The following ZNF423 variants were observed in gnomAD, a reference collection of about 807,000 sequenced individuals.
The protein encoded by ZNF423 is Ebf-associated zinc finger protein.
Under a neutral mutation model 95.8 loss-of-function variants are expected in ZNF423, and 12 were observed. That is an observed-to-expected ratio of 0.13 (90% CI 0.08 to 0.20). The LOEUF is 0.20. ZNF423 is among the 10% of genes least tolerant of loss of function. The pLI is 1.00. For missense variants in ZNF423, 1,316 were observed against 1,737.1 expected (o/e 0.76, Z 4.31); for synonymous variants, 749 against 711.9 (o/e 1.05, Z -0.83).
intron 3 of ZNF423, among the ~76,000 whole-genome samples, chr16:49,639,773 C>G (rs8061482): frequency 0.14 from 21,866 of 152,238 alleles, 1,657 homozygotes; most frequent in Middle Eastern, 0.22. Context: ...AGACTCCAGC[C>G]AGTCCCACCC....
upstream of ZNF423, among the ~76,000 whole-genome samples, chr16:49,858,304 G>A (rs558140530): frequency 6.6e-5 from 10 of 150,512 alleles, no homozygotes; most frequent in South Asian, 4.2e-4. This position sits in a 1 kb window ranked among gnomAD's most constrained non-coding sequence, Gnocchi z 4.3. Context: ...GGCCAGCCGG[G>A]CCCGGCCCCG....
intron 7 of ZNF423, chr16:49,518,236 T>C (rs1181355777): frequency 2.6e-6 from 1 of 383,078 alleles, no homozygotes; most frequent in African/African-American, 2.1e-5. Context: ...CCCCATTATT[T>C]TGAACCATTT....
chr16:49,685,575 C>CGATG (rs1389637241), intron 3 of ZNF423, among the ~76,000 whole-genome samples: 1 of 152,166 alleles, frequency 6.6e-6, no homozygotes, highest in African/African-American at 2.4e-5. Flanking sequence ...CTGTTCACCT[C>CGATG]GATGCCCAAG....
chr16:49,520,472 T>C (rs1297032506), intron 7 of ZNF423, among the ~76,000 whole-genome samples: 1 of 152,192 alleles, frequency 6.6e-6, no homozygotes, highest in African/African-American at 2.4e-5. Context: ...CTGTCATGGT[T>C]CAGTTCTACC....
At chr16:49,546,063 A>G (rs955371547) in intron 5 of ZNF423, among the ~76,000 whole-genome samples, 3 of 152,194 alleles carry the variant, frequency 2.0e-5, no homozygotes, top group Non-Finnish European at 4.4e-5. Context: ...CAAAGCATAG[A>G]GCCAGGTGTT....
intron 1 of ZNF423, among the ~76,000 whole-genome samples, chr16:49,843,028 G>T (rs2035207145): frequency 1.3e-5 from 2 of 152,008 alleles, no homozygotes; most frequent in South Asian, 2.1e-4. Context: ...TCACATACGG[G>T]CAAGGATTAG....
chr16:49,808,147 G>A (rs1481297579), intron 1 of ZNF423, among the ~76,000 whole-genome samples: 1 of 151,500 alleles, frequency 6.6e-6, no homozygotes, highest in Admixed American at 6.6e-5. Context: ...GTGCAGCTTC[G>A]AGCTCCTGGG....
At chr16:49,816,783 CA>C (rs35801600) in intron 1 of ZNF423, among the ~76,000 whole-genome samples, 1 of 150,882 alleles carries the variant, frequency 6.6e-6, no homozygotes, top group Non-Finnish European at 1.5e-5. Flanking sequence ...GACCCTGTCT[CA>C]AAAAAAAGGA....
chr16:49,783,603 G>A (rs111471099), intron 2 of ZNF423, among the ~76,000 whole-genome samples: 108 of 138,516 alleles, frequency 7.8e-4, no homozygotes, highest in African/African-American at 2.3e-3. Context: ...GGTAGGTTTC[G>A]TACAAGGCTG....
intron 3 of ZNF423, among the ~76,000 whole-genome samples, chr16:49,717,148 G>A (rs1214377830): frequency 6.6e-6 from 1 of 152,130 alleles, no homozygotes; most frequent in Non-Finnish European, 1.5e-5. Context: ...TTCTGGAATT[G>A]GTCCTGGTCT....
intron 5 of ZNF423, among the ~76,000 whole-genome samples, chr16:49,612,240 G>C (rs1324657940): frequency 6.6e-6 from 1 of 151,816 alleles, no homozygotes; most frequent in Admixed American, 6.6e-5. Context: ...CCCTGACGAA[G>C]TATTAGCAAA....
At chr16:49,625,423 G>A (rs530007157) in intron 5 of ZNF423, among the ~76,000 whole-genome samples, 1 of 152,290 alleles carries the variant, frequency 6.6e-6, no homozygotes, top group East Asian at 1.9e-4. Context: ...TAGAGTCTTG[G>A]AGAAAGTGAT....
chr16:49,835,244 T>C (rs1031146123), intron 1 of ZNF423, among the ~76,000 whole-genome samples: 4 of 152,080 alleles, frequency 2.6e-5, no homozygotes, highest in Non-Finnish European at 5.9e-5. Flanking sequence ...GCCCCCTGGC[T>C]CAGCCCTGGC....
rs931373158 is a variant in ZNF423, at chr16:49,749,355, C to T, written c.101-18384G>A. Among the ~76,000 whole-genome samples, 7 of 152,258 alleles carry T rather than the reference C, an allele frequency of 4.6e-5. 1 individual carries two copies. In the East Asian group the frequency reaches 1.3e-3, roughly 29 times the overall value. The stretch of plus-strand genomic sequence containing the variant: ...TCGGCCAGCCTGTGGTCTTACCCGG[C>T]TTTCTCCCCAGAACTGCTTCTGTGT... On this transcript the variant is annotated intron_variant, in intron 2 of 7. Transcript: ENST00000563137.
At chr16:49,548,839 C>G (rs1032153290) in intron 5 of ZNF423, among the ~76,000 whole-genome samples, 5 of 152,198 alleles carry the variant, frequency 3.3e-5, no homozygotes, top group African/African-American at 1.2e-4. Context: ...CTGCCCCTGG[C>G]CAGAAAGGTG....
At chr16:49,810,959 G>A (rs2034741618) in intron 1 of ZNF423, among the ~76,000 whole-genome samples, 1 of 152,152 alleles carries the variant, frequency 6.6e-6, no homozygotes, top group Admixed American at 6.6e-5. Flanking sequence ...GGGCATCAGG[G>A]TAATGGGGGG....
intron 1 of ZNF423, among the ~76,000 whole-genome samples, chr16:49,835,675 A>G (rs1478806053): frequency 6.6e-6 from 1 of 152,212 alleles, no homozygotes; most frequent in East Asian, 1.9e-4. Context: ...CCACCCAAGC[A>G]ACTCGATATG....
At chr16:49,741,899 G>A (rs904572581) in intron 2 of ZNF423, among the ~76,000 whole-genome samples, 11 of 152,250 alleles carry the variant, frequency 7.2e-5, no homozygotes, top group South Asian at 2.1e-4. Context: ...TACTCATGCT[G>A]TGGATGCTCC....
intron 1 of ZNF423, among the ~76,000 whole-genome samples, chr16:49,832,575 G>C (rs933248303): frequency 1.3e-5 from 2 of 152,202 alleles, no homozygotes; most frequent in Non-Finnish European, 2.9e-5. Flanking sequence ...GGGGCAAGAG[G>C]GGGAAGGGTA....
Sources: gnomAD v4.1 joint callset for allele counts (sites outside exome capture counted in the v4.1 genomes callset) on GRCh38, gnomAD v4.1.1 for gene constraint, Gnocchi (gnomAD v3.1) non-coding constraint, MANE v1.5 for transcripts, NCBI Gene and HGNC (gene_info 2026-07-23, HGNC 2026-07-21) for gene names.